COL22A1: variants seen among roughly 807,000 people sequenced by gnomAD.
COL22A1 encodes collagen type XXII alpha 1 chain.
In COL22A1, 221 loss-of-function variants were observed where a neutral mutation model predicts 248.9. The observed-to-expected ratio is 0.89, with a 90% confidence interval of 0.80 to 0.99. COL22A1 has a LOEUF of 0.99. Ranked by LOEUF, COL22A1 falls within the 50% of genes least tolerant of loss-of-function variation. The pLI is 0.00. For synonymous variants in COL22A1, 891 were observed against 793.4 expected, an observed-to-expected ratio of 1.12 and a Z score of -2.07; for missense variants, 2,240 against 2,179.0, an observed-to-expected ratio of 1.03 and a Z score of -0.56.
Position 138,606,455 on chromosome 8 carries a change from G to T in COL22A1, c.4033-3C>A. On this transcript the variant is annotated splice_polypyrimidine_tract_variant and splice_region_variant and intron_variant, in intron 57 of 64. Transcript: ENST00000303045. ...TCCCCTTTGCTTCCTTTCTGGCCCTGCAAAGAGAAAACTGAGAATTAATTC... is the reference window on the plus strand; with the variant it reads ...TCCCCTTTGCTTCCTTTCTGGCCCTTCAAAGAGAAAACTGAGAATTAATTC... The T allele has an allele frequency of 6.2e-7, 1 of 1,613,266 alleles. No individual in the cohort carries two copies. Among genetic ancestry groups the T allele is most frequent in the African/African-American group, 1.3e-5 (1 of 75,036 alleles).
chr8:138,751,987 C>G (rs1011175260), intron 21 of COL22A1, among the ~76,000 whole-genome samples: 2 of 152,194 alleles, frequency 1.3e-5, no homozygotes, highest in Non-Finnish European at 2.9e-5. Flanking sequence ...ATCAATTAAC[C>G]AAGGAACACT....
At chr8:138,600,907 T>G (rs1817948773) in intron 60 of COL22A1, among the ~76,000 whole-genome samples, 4 of 152,180 alleles carry the variant, frequency 2.6e-5, no homozygotes, top group Admixed American at 2.6e-4. Flanking sequence ...AATTTTCTAT[T>G]CATTAAATAT....
At chr8:138,679,465 C>T (rs1243031927) in intron 40 of COL22A1, 152 bp downstream of exon 40, 1 of 685,736 alleles carries the variant, frequency 1.5e-6, no homozygotes, top group Non-Finnish European at 2.6e-6. Context: ...TGCTATTTCC[C>T]CTTGTCTGGG....
At chr8:138,689,056 A>T (rs1489943047) in intron 36 of COL22A1, 86 bp from the exon 37 acceptor site, 1 of 1,090,200 alleles carries the variant, frequency 9.2e-7, no homozygotes, top group Non-Finnish European at 1.4e-6. Flanking sequence ...AAGAATCATC[A>T]GGTCCCCCTG....
intron 12 of COL22A1, among the ~76,000 whole-genome samples, chr8:138,795,528 G>GACACACACAC (rs6150850): frequency 0.018 from 2,606 of 144,838 alleles, 36 homozygotes; most frequent in Non-Finnish European, 0.023. Context: ...CTCTCTTTCA[G>GACACACACAC]ACACACACAC....
intron 1 of COL22A1, among the ~76,000 whole-genome samples, chr8:138,886,042 C>T (rs940327657): frequency 6.6e-6 from 1 of 152,224 alleles, no homozygotes; most frequent in Non-Finnish European, 1.5e-5. Flanking sequence ...TTTCCCCCAC[C>T]TCCTGGTACC....
chr8:138,615,796 G>A (rs1249649528), intron 55 of COL22A1, among the ~76,000 whole-genome samples: 1 of 152,142 alleles, frequency 6.6e-6, no homozygotes, highest in African/African-American at 2.4e-5. Context: ...ATCCAGAAAA[G>A]CTTCCTTATC....
At position 138,616,034 on chromosome 8, in the gene COL22A1, C is replaced by A; in HGVS notation, c.3891G>T (p.Gly1297=). The change falls in exon 55 of 65, where the codon GGG becomes GGT. Residue 1297 remains glycine, a synonymous_variant. Coordinates refer to ENST00000303045, the MANE Select transcript of COL22A1 (RefSeq NM_152888.3). The stretch of plus-strand genomic sequence containing the variant: ...CTGGTAACCCTTCCTGACCAGGAAG[C>A]CCCATGGCACCAGACTCTCCCTAGG... ...PGPRGESGAM[G]LPGQEGLPGK... The A allele has an allele frequency of 9.9e-6, 16 of 1,613,344 alleles. No homozygotes were observed. The highest frequency in any genetic ancestry group is 1.4e-5 in the Non-Finnish European group (16 of 1,179,548).
rs1019701575 is a variant in COL22A1 at position 138,843,999 on chromosome 8, C to T, written c.733+85G>A. 5 of 1,204,120 alleles carry T rather than the reference C, an allele frequency of 4.2e-6. No individual in the cohort carries two copies. The Admixed American group carries it at 8.4e-5, about 20-fold the overall frequency. The allele number at this position is 1,204,120 out of a possible 1,614,324, so 74.6% of individuals were successfully genotyped here. A position where few individuals can be genotyped will look rare whatever the true frequency, so the allele number is the denominator to read the frequency against. ...GGGAACAAGAACAGGGTCAGTGAGG[C>T]CACCCCTGAATTGACTAGGGTCATG... On this transcript the variant is annotated intron_variant, in intron 4 of 64. Transcript: ENST00000303045.
Position 138,596,945 on chromosome 8 carries a change from A to AT in COL22A1, c.4390_4391insA (p.Leu1464HisfsTer14). On this transcript the variant is annotated frameshift_variant, in exon 62 of 65. Coordinates refer to ENST00000303045, the MANE Select transcript of COL22A1 (RefSeq NM_152888.3). LOFTEE classifies it high-confidence loss of function. The stretch of plus-strand genomic sequence containing the variant: ...CAGCTCTTCTTGAATAAGCCGACGC[A>AT]GGGTTTCCATGGATGGAGACTCCCC... 6.2e-7 allele frequency: 1 copy of AT among 1,614,056 alleles called. No individual in the cohort carries two copies. The highest frequency in any genetic ancestry group is 8.5e-7 in the Non-Finnish European group (1 of 1,179,956).
At chr8:138,593,761 C>T (rs559322514) in intron 63 of COL22A1, among the ~76,000 whole-genome samples, 4 of 152,256 alleles carry the variant, frequency 2.6e-5, no homozygotes, top group South Asian at 4.2e-4. Context: ...ACTTGAGCAG[C>T]GGAGATGGAG....
At chr8:138,838,772 TAA>T (rs59097266) in intron 4 of COL22A1, among the ~76,000 whole-genome samples, 1 of 150,262 alleles carries the variant, frequency 6.7e-6, no homozygotes, top group African/African-American at 2.4e-5. Context: ...CACTGTGAGA[TAA>T]AAAAAAAGCA....
At position 138,615,626 on chromosome 8, in the gene COL22A1, G is replaced by A. The variant is rs1291619185; in HGVS notation, c.3924+375C>T. On this transcript the variant is annotated intron_variant, in intron 55 of 64. Coordinates refer to ENST00000303045, the MANE Select transcript of COL22A1 (RefSeq NM_152888.3). ...ATTCAAGTGGTATACAATTAACACA[G>A]CACACGGTGGTGGCGGTGAGGGGTG... is the stretch of plus-strand genomic sequence containing the variant. 2.0e-5 allele frequency among the ~76,000 whole-genome samples: 3 copies of A among 151,886 alleles called. No individual in the cohort carries two copies. The South Asian group carries it at 6.2e-4, about 32-fold the overall frequency.
rs540048944 is a variant in COL22A1 at position 138,762,543 on chromosome 8, A to G, written c.1804-77T>C. 3.7e-6 allele frequency: 5 copies of G among 1,368,408 alleles called. No homozygotes were observed. The South Asian group carries it at 4.8e-5, about 13-fold the overall frequency. 84.8% of individuals were successfully genotyped at this position (1,368,408 alleles called of 1,614,324 possible). On this transcript the variant is annotated intron_variant, in intron 16 of 64. Coordinates refer to ENST00000303045, the MANE Select transcript of COL22A1 (RefSeq NM_152888.3). Reference sequence around the variant, plus strand: ...CAGCCCAGCACACATCCCCACAGTGACCGTCATGGACAAGGAGGGTGGGGA... The same window carrying G: ...CAGCCCAGCACACATCCCCACAGTGGCCGTCATGGACAAGGAGGGTGGGGA...
intron 1 of COL22A1, among the ~76,000 whole-genome samples, chr8:138,904,776 G>A (rs1281663238): frequency 4.6e-5 from 7 of 152,144 alleles, no homozygotes; most frequent in African/African-American, 1.7e-4. Context: ...TAGTGCTCCA[G>A]CATCCACACT....
At position 138,661,031 on chromosome 8, in the gene COL22A1, CATATACAG is replaced by C. The variant is rs1243665172; in HGVS notation, c.3241-559_3241-552del. On this transcript the variant is annotated intron_variant, in intron 43 of 64. Coordinates refer to ENST00000303045, the MANE Select transcript of COL22A1 (RefSeq NM_152888.3). ...AGACACACACACGCACATACACACA[CATATACAG>C]ACACACACACACACGCACACACACC... 2.6e-3 allele frequency among the ~76,000 whole-genome samples: 100 copies of C among 38,952 alleles called. No homozygotes were observed. The East Asian group carries it at 0.043, about 17-fold the overall frequency. The allele number at this position is 38,952 out of a possible 152,430, so 25.6% of individuals were successfully genotyped here.
At position 138,862,026 on chromosome 8, in the gene COL22A1, T is replaced by TAAAAAAAA. The variant is rs386414193; in HGVS notation, c.658+15716_658+15723dup. Among the ~76,000 whole-genome samples the TAAAAAAAA allele has an allele frequency of 4.0e-4, 37 of 93,142 alleles. 1 individual carries two copies. Among genetic ancestry groups the TAAAAAAAA allele is most frequent in the African/African-American group, 5.6e-4 (13 of 23,146 alleles). 61.1% of individuals were successfully genotyped at this position (93,142 alleles called of 152,430 possible). A position where few individuals can be genotyped will look rare whatever the true frequency, so the allele number is the denominator to read the frequency against. On this transcript the variant is annotated intron_variant, in intron 3 of 64. Transcript: ENST00000303045. ...CAACATGGTGAAACCCTGTCTCTAC[T>TAAAAAAAA]AAAAAAAAAAAAAAAAAAAAAGAAA...
At chr8:138,684,555 C>G in intron 38 of COL22A1, 86 bp from the exon 39 acceptor site, 1 of 922,254 alleles carries the variant, frequency 1.1e-6, no homozygotes, top group Non-Finnish European at 1.8e-6. Context: ...ACTGCATCCT[C>G]TGCTGGGGAC....
chr8:138,752,018 T>A (rs1410236503), intron 21 of COL22A1, among the ~76,000 whole-genome samples: 1 of 152,240 alleles, frequency 6.6e-6, no homozygotes, highest in Non-Finnish European at 1.5e-5. Flanking sequence ...GGGGTCATAC[T>A]GACCTCATTC....
Sources: gnomAD v4.1 joint callset for allele counts (sites outside exome capture counted in the v4.1 genomes callset) on GRCh38, gnomAD v4.1.1 for gene constraint, MANE v1.5 for transcripts, NCBI Gene and HGNC (gene_info 2026-07-23, HGNC 2026-07-21) for gene names.